The following ITFG1 variants were observed in gnomAD, a reference collection of about 807,000 sequenced individuals.
ITFG1 encodes the protein T-cell immunomodulatory protein.
In ITFG1, 34 loss-of-function variants were observed where a neutral mutation model predicts 81.8. That is an observed-to-expected ratio of 0.42 (90% CI 0.32 to 0.55). ITFG1 has a LOEUF of 0.55. ITFG1 is among the 20% of genes least tolerant of loss of function. ITFG1 has a pLI of 0.17. For missense variants in ITFG1, 672 were observed against 755.4 expected (o/e 0.89, Z 1.29); for synonymous variants, 285 against 270.6 (o/e 1.05, Z -0.52).
At chr16:47,159,644 C>T (rs1007794670) in intron 16 of ITFG1, among the ~76,000 whole-genome samples, 2 of 152,080 alleles carry the variant, frequency 1.3e-5, no homozygotes, top group Admixed American at 6.6e-5. Flanking sequence ...CTAAAACAGT[C>T]CATGTAATAT....
chr16:47,424,826 C>G (rs993089175), intron 6 of ITFG1, among the ~76,000 whole-genome samples: 6 of 152,126 alleles, frequency 3.9e-5, no homozygotes, highest in Admixed American at 3.9e-4. Context: ...TAGAGGGGCA[C>G]CTGCCTGTTT....
intron 6 of ITFG1, among the ~76,000 whole-genome samples, chr16:47,420,608 A>C (rs1329895191): frequency 6.6e-6 from 1 of 152,166 alleles, no homozygotes; most frequent in Non-Finnish European, 1.5e-5. Flanking sequence ...GTTCTGTATT[A>C]ATTTCCATAA....
intron 14 of ITFG1, among the ~76,000 whole-genome samples, chr16:47,205,826 A>C (rs1438849230): frequency 6.8e-6 from 1 of 146,172 alleles, no homozygotes; most frequent in Non-Finnish European, 1.5e-5. Context: ...GCTGGAATTA[A>C]ATTATCTATC....
At chr16:47,428,737 G>T in intron 6 of ITFG1, 67 bp downstream of exon 6, 1 of 915,876 alleles carries the variant, frequency 1.1e-6, no homozygotes, top group South Asian at 1.3e-5. Context: ...AATACAAAGT[G>T]TACAGTAAAT....
chr16:47,217,802 G>A (rs988342965), intron 14 of ITFG1, among the ~76,000 whole-genome samples: 1 of 152,080 alleles, frequency 6.6e-6, no homozygotes, highest in African/African-American at 2.4e-5. Context: ...GCGGGCACCT[G>A]TGGTCCCAGC....
At chr16:47,436,561 A>G (rs1218199107) in intron 5 of ITFG1, among the ~76,000 whole-genome samples, 2 of 152,202 alleles carry the variant, frequency 1.3e-5, no homozygotes, top group Non-Finnish European at 2.9e-5. Context: ...ATGAGACAGT[A>G]TCCAGGCATA....
At chr16:47,235,029 C>G (rs1253716172) in intron 13 of ITFG1, among the ~76,000 whole-genome samples, 1 of 152,212 alleles carries the variant, frequency 6.6e-6, no homozygotes, top group African/African-American at 2.4e-5. Context: ...CCATGCAGAA[C>G]TGTGAGCCAA....
At chr16:47,344,651 G>T (rs1967827459) in intron 8 of ITFG1, among the ~76,000 whole-genome samples, 1 of 152,066 alleles carries the variant, frequency 6.6e-6, no homozygotes, top group Non-Finnish European at 1.5e-5. Context: ...TACATAGTAG[G>T]CATATATATT....
At chr16:47,331,695 C>G (rs1018399522) in intron 8 of ITFG1, among the ~76,000 whole-genome samples, 13 of 152,006 alleles carry the variant, frequency 8.6e-5, no homozygotes, top group African/African-American at 2.4e-4. Context: ...AAAGAAGGGT[C>G]AAGTTTCAGA....
chr16:47,373,551 G>A (rs1044114806), intron 7 of ITFG1, among the ~76,000 whole-genome samples: 6 of 152,176 alleles, frequency 3.9e-5, no homozygotes, highest in African/African-American at 1.2e-4. Flanking sequence ...AAAGTGATGG[G>A]ATTACAGGTG....
At chr16:47,249,191 G>A (rs1173123872) in intron 12 of ITFG1, among the ~76,000 whole-genome samples, 2 of 152,178 alleles carry the variant, frequency 1.3e-5, no homozygotes, top group Non-Finnish European at 2.9e-5. Flanking sequence ...GCCAAAGTGG[G>A]CGGATCACTT....
intron 8 of ITFG1, among the ~76,000 whole-genome samples, chr16:47,320,892 T>C (rs1967438177): frequency 6.6e-6 from 1 of 152,154 alleles, no homozygotes; most frequent in Non-Finnish European, 1.5e-5. Flanking sequence ...TCAGTGGAAA[T>C]ACTAAAACAC....
At chr16:47,427,141 C>T (rs140843644) in intron 6 of ITFG1, among the ~76,000 whole-genome samples, 1 of 152,122 alleles carries the variant, frequency 6.6e-6, no homozygotes, top group African/African-American at 2.4e-5. Flanking sequence ...CACAATTTTG[C>T]AACTCCTGTT....
At chr16:47,160,976 T>G (rs959602749) in intron 16 of ITFG1, among the ~76,000 whole-genome samples, 2 of 152,210 alleles carry the variant, frequency 1.3e-5, no homozygotes, top group Non-Finnish European at 2.9e-5. Flanking sequence ...ACCCCACTGG[T>G]TACATATTCA....
At chr16:47,193,059 T>C (rs1965312363) in intron 14 of ITFG1, among the ~76,000 whole-genome samples, 2 of 152,160 alleles carry the variant, frequency 1.3e-5, no homozygotes, top group Middle Eastern at 3.2e-3. Flanking sequence ...CATTCTTTGA[T>C]GGATCTAAGA....
chr16:47,186,268 G>A (rs1965213904), intron 14 of ITFG1, among the ~76,000 whole-genome samples: 1 of 152,182 alleles, frequency 6.6e-6, no homozygotes, highest in African/African-American at 2.4e-5. Context: ...TATGAGGCCA[G>A]CATCATCCTG....
At chr16:47,351,300 A>C (rs1305981279) in intron 8 of ITFG1, among the ~76,000 whole-genome samples, 1 of 152,238 alleles carries the variant, frequency 6.6e-6, no homozygotes, top group East Asian at 1.9e-4. Context: ...ATGATTGTAC[A>C]TCTAGAAAAC....
At chr16:47,206,953 C>A (rs1412244147) in intron 14 of ITFG1, among the ~76,000 whole-genome samples, 12 of 152,340 alleles carry the variant, frequency 7.9e-5, no homozygotes, top group Admixed American at 5.9e-4. Context: ...AAACCACTCT[C>A]CATTACATGG....
intron 7 of ITFG1, among the ~76,000 whole-genome samples, chr16:47,371,830 T>C (rs981612082): frequency 6.6e-6 from 1 of 151,878 alleles, no homozygotes; most frequent in Non-Finnish European, 1.5e-5. Context: ...ACAGAAAGAA[T>C]TATCTGGCTC....
Sources: allele counts gnomAD v4.1 joint callset (sites outside exome capture counted in the v4.1 genomes callset), GRCh38; gene constraint gnomAD v4.1.1; transcripts MANE v1.5; gene names NCBI Gene and HGNC (gene_info 2026-07-23, HGNC 2026-07-21).